MEF2C: variants seen among roughly 807,000 people sequenced by gnomAD.
The protein encoded by MEF2C is myocyte enhancer factor 2C.
MEF2C carries 6 observed loss-of-function variants against 50.5 expected under a neutral mutation model. The ratio of observed to expected loss-of-function variants is 0.12; its 90% CI spans 0.07 to 0.23. The LOEUF is 0.23. Among genes scored for constraint, MEF2C ranks in the 10% least tolerant of loss-of-function variants. The pLI is 1.00. For synonymous variants in MEF2C, 183 were observed against 228.0 expected (o/e 0.80, Z 1.78); for missense variants, 276 against 605.0 (o/e 0.46, Z 5.70).
intron 1 of MEF2C, among the ~76,000 whole-genome samples, chr5:88,834,769 G>A (rs1466724391): frequency 6.6e-6 from 1 of 152,080 alleles, no homozygotes; most frequent in African/African-American, 2.4e-5. Flanking sequence ...GTACAAGCCT[G>A]GCCAAGTCAT....
Position 88,894,691 on chromosome 5 carries a change from T to C in MEF2C, c.-239-7093A>G, listed in dbSNP as rs1834932510. Among the ~76,000 whole-genome samples the C allele has an allele frequency of 2.0e-5, 3 of 152,356 alleles. No individual in the cohort carries two copies. The South Asian group carries it at 6.2e-4, about 32-fold the overall frequency. Reference sequence around the variant, plus strand: ...CATAAATTGACACTAATTGAAGATATAAAAGAGGAATTTCAAAGTATTTTT... The same window carrying C: ...CATAAATTGACACTAATTGAAGATACAAAAGAGGAATTTCAAAGTATTTTT... On this transcript the variant is annotated intron_variant, in intron 1 of 11. Coordinates refer to the MEF2C transcript ENST00000340208.
At chr5:88,788,498 C>T (rs1792158627) in intron 3 of MEF2C, among the ~76,000 whole-genome samples, 1 of 152,052 alleles carries the variant, frequency 6.6e-6, no homozygotes, top group Non-Finnish European at 1.5e-5. Context: ...GCATGAGCCA[C>T]CTCGGCCAGC....
At chr5:88,854,674 T>C (rs984768757) in intron 1 of MEF2C, among the ~76,000 whole-genome samples, 1 of 152,108 alleles carries the variant, frequency 6.6e-6, no homozygotes, top group Non-Finnish European at 1.5e-5. Flanking sequence ...ATACAGACCA[T>C]AGAGAAAACA....
upstream of MEF2C, among the ~76,000 whole-genome samples, chr5:88,885,822 T>TA (rs1257228097): frequency 7.9e-5 from 12 of 152,324 alleles, no homozygotes; most frequent in African/African-American, 2.9e-4. Flanking sequence ...ACATAGCCAA[T>TA]ACATGAATTT....
intron 1 of MEF2C, among the ~76,000 whole-genome samples, chr5:88,874,988 C>A (rs1188750947): frequency 6.6e-6 from 1 of 151,858 alleles, no homozygotes; most frequent in African/African-American, 2.4e-5. Context: ...AATGAGAATT[C>A]TACTGATTGA....
intron 1 of MEF2C, chr5:88,824,413 C>T (rs1277411807): frequency 7.6e-6 from 7 of 922,090 alleles, no homozygotes; most frequent in African/African-American, 1.8e-5. Context: ...ATAGGATGGA[C>T]GATTATGAAA....
intron 2 of MEF2C, among the ~76,000 whole-genome samples, chr5:88,812,881 A>G (rs943308315): frequency 2.0e-5 from 3 of 152,144 alleles, no homozygotes; most frequent in African/African-American, 7.2e-5. Flanking sequence ...GTTCAGCTCA[A>G]TATGGACCCA....
Position 88,731,775 on chromosome 5 carries a change from A to G in MEF2C, c.764T>C (p.Leu255Pro). Residue 255 changes from leucine to proline, a missense_variant, in exon 7 of 11, where the codon CTC (leucine) becomes CCC (proline). Transcript: ENST00000504921. ...NLGMNNRKPDLRVLIPPGSKN... is the reference protein window; with the variant it reads ...NLGMNNRKPDPRVLIPPGSKN... Reference sequence around the variant, plus strand: ...GCTGCCTGGTGGAATAAGAACTCGGAGATCTGGTTTACGGTTATTCATTCC... The same window carrying G: ...GCTGCCTGGTGGAATAAGAACTCGGGGATCTGGTTTACGGTTATTCATTCC... The G allele has an allele frequency of 6.2e-7, 1 of 1,613,394 alleles. No homozygotes were observed. Among genetic ancestry groups the G allele is most frequent in the Non-Finnish European group, 8.5e-7 (1 of 1,179,490 alleles).
chr5:88,859,563 G>C (rs1824753213), intron 1 of MEF2C, among the ~76,000 whole-genome samples: 1 of 152,198 alleles, frequency 6.6e-6, no homozygotes, highest in South Asian at 2.1e-4. Flanking sequence ...CAAGAGGAAA[G>C]CATTAATGTT....
intron 6 of MEF2C, chr5:88,743,769 A>C (rs912497819): frequency 1.0e-5 from 10 of 985,386 alleles, no homozygotes; most frequent in Non-Finnish European, 1.1e-5. Context: ...CCATGTATTT[A>C]GCTGACATAA....
chr5:88,769,915 G>T (rs754453627), intron 3 of MEF2C: 14 of 968,376 alleles, frequency 1.4e-5, no homozygotes, highest in Non-Finnish European at 1.7e-5. Context: ...TAAAGTGCTA[G>T]GATTATGGGC....
intron 2 of MEF2C, among the ~76,000 whole-genome samples, chr5:88,808,544 G>A (rs1801472180): frequency 1.3e-5 from 2 of 152,136 alleles, no homozygotes; most frequent in African/African-American, 2.4e-5. Flanking sequence ...AAAGAAGTCA[G>A]TGCATATAGC....
upstream of MEF2C, among the ~76,000 whole-genome samples, chr5:88,886,700 C>T (rs1353750907): frequency 6.6e-6 from 1 of 152,164 alleles, no homozygotes; most frequent in East Asian, 1.9e-4. Flanking sequence ...ATTTCTCCTA[C>T]ATTAAGTTGT....
intron 1 of MEF2C, among the ~76,000 whole-genome samples, chr5:88,876,398 T>C (rs1392093878): frequency 1.3e-5 from 2 of 151,996 alleles, no homozygotes; most frequent in South Asian, 4.1e-4. Flanking sequence ...TTCTGCTAAA[T>C]AATCATATCT....
intron 1 of MEF2C, among the ~76,000 whole-genome samples, chr5:88,851,312 T>C (rs954928807): frequency 6.6e-5 from 10 of 152,030 alleles, no homozygotes; most frequent in Admixed American, 6.6e-4. Flanking sequence ...GTTTGTGTTA[T>C]TGGTAGGGCT....
intron 3 of MEF2C, chr5:88,771,371 C>G (rs1249711179): frequency 1.1e-6 from 1 of 918,558 alleles, no homozygotes; most frequent in East Asian, 1.2e-4. Context: ...CTCAGTTACA[C>G]AAACCTTAAT....
intron 1 of MEF2C, among the ~76,000 whole-genome samples, chr5:88,897,628 C>T (rs1835251064): frequency 6.6e-6 from 1 of 152,068 alleles, no homozygotes; most frequent in East Asian, 1.9e-4. Context: ...TCTGGCTTTT[C>T]ACTAGTATTT....
chr5:88,871,432 T>C (rs1443806405), intron 1 of MEF2C, among the ~76,000 whole-genome samples: 2 of 151,976 alleles, frequency 1.3e-5, no homozygotes, highest in Non-Finnish European at 2.9e-5. Context: ...TGTTTTACCA[T>C]AGGGAAGTCC....
chr5:88,884,010 C>T (rs577698645), upstream of MEF2C, among the ~76,000 whole-genome samples: 2 of 152,296 alleles, frequency 1.3e-5, no homozygotes, highest in South Asian at 4.1e-4. Context: ...GGGGTAATAG[C>T]ACATGCCATA....
Sources: allele counts gnomAD v4.1 joint callset (sites outside exome capture counted in the v4.1 genomes callset), GRCh38; gene constraint gnomAD v4.1.1; transcripts MANE v1.5; gene names NCBI Gene and HGNC (gene_info 2026-07-23, HGNC 2026-07-21).